The following CNTN5 variants were observed in gnomAD, a reference collection of about 807,000 sequenced individuals.
CNTN5 encodes contactin 5.
In CNTN5, 77 loss-of-function variants were observed where a neutral mutation model predicts 129.1. That is an observed-to-expected ratio of 0.60 (90% CI 0.50 to 0.72). The LOEUF is 0.72. Among genes scored for constraint, CNTN5 ranks in the 30% least tolerant of loss-of-function variants. The pLI is 0.00. For missense variants in CNTN5, 1,478 were observed against 1,328.8 expected, an observed-to-expected ratio of 1.11 and a Z score of -1.75; for synonymous variants, 509 against 465.6, an observed-to-expected ratio of 1.09 and a Z score of -1.20.
At chr11:99,796,042 A>G (rs929961647) in intron 3 of CNTN5, among the ~76,000 whole-genome samples, 4 of 152,024 alleles carry the variant, frequency 2.6e-5, no homozygotes, top group African/African-American at 9.7e-5. Context: ...TGGCTTCTAT[A>G]CAGATGTTTG....
chr11:99,874,653 A>T (rs1948588639), intron 6 of CNTN5, among the ~76,000 whole-genome samples: 1 of 152,182 alleles, frequency 6.6e-6, no homozygotes, highest in African/African-American at 2.4e-5. Context: ...GTAATCTGCT[A>T]TTAAACTACC....
At chr11:99,387,200 T>C (rs1244823017) in intron 2 of CNTN5, among the ~76,000 whole-genome samples, 2 of 152,162 alleles carry the variant, frequency 1.3e-5, no homozygotes, top group Admixed American at 1.3e-4. Context: ...TCATAAGAAA[T>C]GGTAACAATT....
chr11:100,066,608 G>A (rs1426471806), intron 10 of CNTN5, among the ~76,000 whole-genome samples: 4 of 151,988 alleles, frequency 2.6e-5, no homozygotes, highest in South Asian at 2.1e-4. Flanking sequence ...GGTTTAAAGT[G>A]CCATATGTCT....
intron 2 of CNTN5, among the ~76,000 whole-genome samples, chr11:99,419,372 A>C (rs1797601406): frequency 6.6e-6 from 1 of 152,176 alleles, no homozygotes; most frequent in Non-Finnish European, 1.5e-5. Flanking sequence ...ATTTCTAAGA[A>C]GTTGAGAGGT....
At chr11:100,155,969 T>C (rs1462462294) in intron 13 of CNTN5, among the ~76,000 whole-genome samples, 3 of 152,078 alleles carry the variant, frequency 2.0e-5, no homozygotes, top group Admixed American at 2.0e-4. Flanking sequence ...ATTTGACTCA[T>C]GTCTTCCTAT....
chr11:99,035,904 G>A (rs1863698799), intron 1 of CNTN5, among the ~76,000 whole-genome samples: 1 of 151,862 alleles, frequency 6.6e-6, no homozygotes, highest in South Asian at 2.1e-4. Context: ...TGCAGCGGCT[G>A]GTACCAGTTG....
intron 13 of CNTN5, among the ~76,000 whole-genome samples, chr11:100,138,296 C>CTGAT (rs1375236748): frequency 1.5e-4 from 23 of 151,770 alleles, no homozygotes; most frequent in Admixed American, 1.5e-3. Flanking sequence ...TTAACATTCA[C>CTGAT]TGATTCAATA....
At chr11:99,246,786 C>T (rs2135777374) in intron 1 of CNTN5, among the ~76,000 whole-genome samples, 1 of 152,160 alleles carries the variant, frequency 6.6e-6, no homozygotes, top group African/African-American at 2.4e-5. Flanking sequence ...AATTAAGTAT[C>T]ACAGGAACAA....
chr11:99,764,702 C>A (rs547490401), intron 3 of CNTN5, among the ~76,000 whole-genome samples: 1 of 152,248 alleles, frequency 6.6e-6, no homozygotes, highest in African/African-American at 2.4e-5. Context: ...TTTTTAAAAA[C>A]CATTTATTTA....
intron 12 of CNTN5, 30 bp downstream of exon 12, chr11:100,071,864 A>G: frequency 6.5e-7 from 1 of 1,543,330 alleles, no homozygotes; most frequent in East Asian, 2.3e-5. Context: ...ATAAATTGAA[A>G]AAAAAAACCT....
chr11:99,809,194 A>C (rs1336234335), intron 3 of CNTN5, among the ~76,000 whole-genome samples: 1 of 152,168 alleles, frequency 6.6e-6, no homozygotes, highest in Non-Finnish European at 1.5e-5. Context: ...GCTTCTATTA[A>C]GTGTAAAAAT....
Position 99,233,342 on chromosome 11 carries a change from AAAC to A in CNTN5, c.-209-91991_-209-91989del, listed in dbSNP as rs540288555. On this transcript the variant is annotated intron_variant, in intron 1 of 24. Coordinates refer to ENST00000524871, the MANE Select transcript of CNTN5 (RefSeq NM_014361.4). Reference sequence around the variant, plus strand: ...CCCATAACAAGGGACTTCCAATTTGAAACAACAACAACAACTAATAAATGAAAA... The same window carrying A: ...CCCATAACAAGGGACTTCCAATTTGAAACAACAACAACTAATAAATGAAAA... Among the ~76,000 whole-genome samples, 49 of 152,182 alleles carry A rather than the reference AAAC, an allele frequency of 3.2e-4. 1 individual carries two copies. The highest frequency in any genetic ancestry group is 3.1e-4 in the African/African-American group (13 of 41,428).
chr11:99,461,688 G>T (rs1343624400), intron 2 of CNTN5, among the ~76,000 whole-genome samples: 1 of 152,080 alleles, frequency 6.6e-6, no homozygotes. Context: ...AATCCTAGAC[G>T]CAGCATTGTT....
chr11:99,803,425 G>C (rs547404848), intron 3 of CNTN5, among the ~76,000 whole-genome samples: 3 of 152,196 alleles, frequency 2.0e-5, no homozygotes, highest in Non-Finnish European at 2.9e-5. Context: ...CCCTACTTTA[G>C]AGCAGGTGAC....
intron 9 of CNTN5, among the ~76,000 whole-genome samples, chr11:100,061,011 T>TAATTGCTTCCCTGAAATAC (rs753764711): frequency 8.6e-5 from 13 of 151,974 alleles, no homozygotes; most frequent in African/African-American, 3.1e-4. Context: ...TCCTGAAATA[T>TAATTGCTTCCCTGAAATAC]GAAAGAAAAG....
intron 3 of CNTN5, among the ~76,000 whole-genome samples, chr11:99,579,661 G>T (rs2135605919): frequency 7.3e-6 from 1 of 137,888 alleles, no homozygotes; most frequent in African/African-American, 2.8e-5. Context: ...GAATGCTTGT[G>T]ATTTTTGCAC....
intron 1 of CNTN5, among the ~76,000 whole-genome samples, chr11:99,200,853 G>T (rs1054894094): frequency 6.6e-6 from 1 of 151,966 alleles, no homozygotes; most frequent in African/African-American, 2.4e-5. Flanking sequence ...CCTTGGATTG[G>T]CTTGCCTTCC....
intron 23 of CNTN5, among the ~76,000 whole-genome samples, chr11:100,345,162 A>T (rs1243502123): frequency 3.9e-5 from 6 of 152,170 alleles, no homozygotes; most frequent in Non-Finnish European, 7.3e-5. Context: ...TCAGTTCTGA[A>T]GGCTGAGATG....
intron 2 of CNTN5, among the ~76,000 whole-genome samples, chr11:99,462,277 G>A (rs902461581): frequency 2.6e-5 from 4 of 151,766 alleles, no homozygotes; most frequent in African/African-American, 9.7e-5. Flanking sequence ...CAGGGAGAAA[G>A]AGAAAGAAAC....
Sources: gnomAD v4.1 joint callset for allele counts (sites outside exome capture counted in the v4.1 genomes callset) on GRCh38, gnomAD v4.1.1 for gene constraint, MANE v1.5 for transcripts, NCBI Gene and HGNC (gene_info 2026-07-23, HGNC 2026-07-21) for gene names.